The following SLC28A3 variants were observed in gnomAD, a reference collection of about 807,000 sequenced individuals.
The protein encoded by SLC28A3 is concentrative Na(+)-nucleoside cotransporter 3.
A neutral mutation model predicts 84.2 loss-of-function variants in SLC28A3; 68 were observed. The ratio of observed to expected loss-of-function variants is 0.81; its 90% CI spans 0.66 to 0.99. The LOEUF (loss-of-function observed/expected upper bound fraction) is 0.99. SLC28A3 is among the 50% of genes least tolerant of loss of function. The pLI is 0.00. For synonymous variants in SLC28A3, 267 were observed against 303.6 expected (o/e 0.88, Z 1.25); for missense variants, 712 against 841.5 (o/e 0.85, Z 1.90).
At chr9:84,282,511 C>T (rs993770494) in intron 14 of SLC28A3, among the ~76,000 whole-genome samples, 7 of 152,200 alleles carry the variant, frequency 4.6e-5, no homozygotes, top group South Asian at 2.1e-4. Flanking sequence ...CTGACCACTC[C>T]GTGGGAAAGT....
At chr9:84,327,029 C>A (rs1826586314) in intron 1 of SLC28A3, among the ~76,000 whole-genome samples, 1 of 150,474 alleles carries the variant, frequency 6.6e-6, no homozygotes, top group African/African-American at 2.5e-5. Context: ...ACAAAAACAC[C>A]CAAAAAACAT....
At chr9:84,320,160 A>T (rs1304889004) in intron 1 of SLC28A3, among the ~76,000 whole-genome samples, 1 of 145,266 alleles carries the variant, frequency 6.9e-6, no homozygotes, top group African/African-American at 2.6e-5. Flanking sequence ...AGTGATTCTC[A>T]TACCTCAGTC....
chr9:84,304,915 A>G (rs1825740894), intron 4 of SLC28A3, among the ~76,000 whole-genome samples: 1 of 152,086 alleles, frequency 6.6e-6, no homozygotes, highest in Admixed American at 6.6e-5. Context: ...CCAGCTACTC[A>G]GGAGGCTGAG....
the SLC28A3 span, among the ~76,000 whole-genome samples, chr9:84,349,710 T>C: frequency 6.6e-5 from 10 of 152,178 alleles, no homozygotes; most frequent in Non-Finnish European, 1.3e-4. Context: ...GGTAAGTATG[T>C]TACCATTACA....
At chr9:84,354,370 C>G in the SLC28A3 span, among the ~76,000 whole-genome samples, 2 of 152,186 alleles carry the variant, frequency 1.3e-5, no homozygotes, top group Non-Finnish European at 2.9e-5. Context: ...TAAATACCAT[C>G]CCCCCTGAAA....
chr9:84,294,403 A>G (rs962511186), intron 8 of SLC28A3, 128 bp from the exon 9 acceptor site: 1 of 821,086 alleles, frequency 1.2e-6, no homozygotes, highest in Admixed American at 2.6e-5. Flanking sequence ...ACTCCTCTTG[A>G]ACTTTAATCA....
At chr9:84,309,796 G>A (rs1398891860) in intron 2 of SLC28A3, 82 bp from the exon 3 acceptor site, 3 of 1,171,072 alleles carry the variant, frequency 2.6e-6, no homozygotes, top group African/African-American at 3.1e-5. Flanking sequence ...TCAGAACTCG[G>A]GCAAAGAACT....
At chr9:84,364,717 A>G in the SLC28A3 span, among the ~76,000 whole-genome samples, 3 of 151,888 alleles carry the variant, frequency 2.0e-5, no homozygotes, top group East Asian at 3.9e-4. Context: ...CTCCATGCCC[A>G]TGAATTCCAT....
intron 12 of SLC28A3, among the ~76,000 whole-genome samples, chr9:84,286,445 C>CT (rs71498094): frequency 0.36 from 31,815 of 87,398 alleles, 6,510 homozygotes; most frequent in East Asian, 0.57. Flanking sequence ...CCATGCTTGG[C>CT]TTTTTTTTTT....
At position 84,279,001 on chromosome 9, in the gene SLC28A3, A is replaced by G. The variant is rs79633258; in HGVS notation, c.1949+264T>C. Among the ~76,000 whole-genome samples the G allele has an allele frequency of 0.025, 3,798 of 152,194 alleles. 278 individuals are homozygous for G. In the East Asian group the frequency reaches 0.26, roughly 10 times the overall value. On this transcript the variant is annotated intron_variant, in intron 17 of 17. Coordinates refer to ENST00000376238, the MANE Select transcript of SLC28A3 (RefSeq NM_001199633.2). Reference sequence around the variant, plus strand: ...ATTAAATGCTTGAGTAGCACTAGCTAGTGTTATAGTTGCTAGCCTTATCTG... The same window carrying G: ...ATTAAATGCTTGAGTAGCACTAGCTGGTGTTATAGTTGCTAGCCTTATCTG...
chr9:84,330,960 A>G (rs949175950), intron 1 of SLC28A3, among the ~76,000 whole-genome samples: 2 of 152,156 alleles, frequency 1.3e-5, no homozygotes, highest in African/African-American at 4.8e-5. Flanking sequence ...TACATTATTA[A>G]TTATTTTCTA....
Position 84,340,737 on chromosome 9 carries a change from T to A in SLC28A3, c.-104A>T. The A allele has an allele frequency of 7.9e-7, 1 of 1,264,284 alleles. No individual in the cohort carries two copies. Among genetic ancestry groups the A allele is most frequent in the Non-Finnish European group, 1.1e-6 (1 of 888,826 alleles). 78.3% of individuals were successfully genotyped at this position (1,264,284 alleles called of 1,614,324 possible). ...AAAGCCACCTGCTGTTACAGGGACC[T>A]GGGCACAGCTTGCTTCAGTTTGGAA... On this transcript the variant is annotated 5_prime_UTR_variant, in exon 1 of 18. Transcript: ENST00000376238.
At chr9:84,337,857 G>A (rs1436725437) in intron 1 of SLC28A3, among the ~76,000 whole-genome samples, 1 of 152,028 alleles carries the variant, frequency 6.6e-6, no homozygotes, top group African/African-American at 2.4e-5. Context: ...TGTATGAAGT[G>A]TGCTCTAGCT....
chr9:84,292,400 C>T (rs1272152097), intron 10 of SLC28A3, among the ~76,000 whole-genome samples: 3 of 152,064 alleles, frequency 2.0e-5, no homozygotes, highest in Non-Finnish European at 4.4e-5. Flanking sequence ...CTCAAGAACC[C>T]AATTCTACAT....
At chr9:84,342,401 T>C (rs1352752797), upstream of SLC28A3, among the ~76,000 whole-genome samples, 1 of 151,296 alleles carries the variant, frequency 6.6e-6, no homozygotes, top group East Asian at 1.9e-4. Context: ...TTGCTCTGAA[T>C]ATACACTTAG....
the SLC28A3 span, among the ~76,000 whole-genome samples, chr9:84,347,946 T>C: frequency 6.6e-6 from 1 of 152,112 alleles, no homozygotes; most frequent in East Asian, 1.9e-4. Context: ...AATGAGTTTC[T>C]AGGGCGCACA....
chr9:84,287,761 G>A (rs1246546004), intron 12 of SLC28A3, among the ~76,000 whole-genome samples: 1 of 152,064 alleles, frequency 6.6e-6, no homozygotes, highest in African/African-American at 2.4e-5. Flanking sequence ...GGCTGAGGTG[G>A]GAGGATAACT....
the SLC28A3 span, among the ~76,000 whole-genome samples, chr9:84,362,219 A>C: frequency 1.3e-5 from 2 of 152,206 alleles, no homozygotes. Context: ...AGACTGGGAA[A>C]GGGGCAAGTC....
chr9:84,339,866 T>C lies in SLC28A3; in HGVS notation c.60+708A>G, dbSNP rs570787634. 3.0e-4 allele frequency among the ~76,000 whole-genome samples: 46 copies of C among 152,320 alleles called. No homozygotes were observed. The South Asian group carries it at 9.5e-3, about 32-fold the overall frequency. On this transcript the variant is annotated intron_variant, in intron 1 of 17. Coordinates refer to ENST00000376238, the MANE Select transcript of SLC28A3 (RefSeq NM_001199633.2). ...TTGGCTAGCACCTCAAAGTTTTGTTTTGCCCATCTAGCAGACCGTAAAGTC... is the reference window on the plus strand; with the variant it reads ...TTGGCTAGCACCTCAAAGTTTTGTTCTGCCCATCTAGCAGACCGTAAAGTC...
Sources: allele counts gnomAD v4.1 joint callset (sites outside exome capture counted in the v4.1 genomes callset), GRCh38; gene constraint gnomAD v4.1.1; transcripts MANE v1.5; gene names NCBI Gene and HGNC (gene_info 2026-07-23, HGNC 2026-07-21).